Variants in KIRREL3 observed in about 807,000 individuals in gnomAD.
KIRREL3 encodes kin of IRRE-like protein 3.
A neutral mutation model predicts 89.7 loss-of-function variants in KIRREL3; 36 were observed. That is an observed-to-expected ratio of 0.40 (90% confidence interval 0.31 to 0.53). The LOEUF is 0.53. Ranked by LOEUF, KIRREL3 falls within the 20% of genes least tolerant of loss-of-function variation. The pLI is 0.49. For synonymous variants in KIRREL3, 445 were observed against 441.4 expected (o/e 1.01, Z -0.10); for missense variants, 864 against 1,056.6 (o/e 0.82, Z 2.53).
rs1358405055 is a variant in KIRREL3 at position 126,561,692 on chromosome 11, T to G, written c.133+1143A>C. ...CAAATGGGAAGTAGCTTTTTGATGC[T>G]GTTGGCTTCAGGCAGGCAGCAAATG... is the stretch of plus-strand genomic sequence containing the variant. On this transcript the variant is annotated intron_variant, in intron 2 of 16. Transcript: ENST00000525144. The surrounding 1 kb of genome is among the most constrained non-coding windows in gnomAD (Gnocchi z 4.5). 1.3e-5 allele frequency among the ~76,000 whole-genome samples: 2 copies of G among 152,222 alleles called. No homozygotes were observed. Among genetic ancestry groups the G allele is most frequent in the African/African-American group, 2.4e-5 (1 of 41,458 alleles).
chr11:126,610,079 A>G lies in KIRREL3; in HGVS notation c.56-47167T>C, dbSNP rs184747491. Among the ~76,000 whole-genome samples, 2 of 152,260 alleles carry G rather than the reference A, an allele frequency of 1.3e-5. No homozygotes were observed. Among genetic ancestry groups the G allele is most frequent in the East Asian group, 3.9e-4 (2 of 5,188 alleles). On this transcript the variant is annotated intron_variant, in intron 1 of 16. Transcript: ENST00000525144. This position sits in a 1 kb window ranked among gnomAD's most constrained non-coding sequence, Gnocchi z 4.6. The stretch of plus-strand genomic sequence containing the variant: ...ACAAAGTTAGGCCTGACCTGACTCC[A>G]AAATCTGTGCTGTTAACTTTTTTTT...
rs1565423593 is a variant in KIRREL3, at chr11:126,923,215, T to TCTTCTC, written c.55+77239_55+77240insGAGAAG. 4.2e-4 allele frequency among the ~76,000 whole-genome samples: 8 copies of TCTTCTC among 18,954 alleles called. 1 individual carries two copies. Among genetic ancestry groups the TCTTCTC allele is most frequent in the Admixed American group, 9.4e-4 (2 of 2,138 alleles). 12.4% of individuals were successfully genotyped at this position (18,954 alleles called of 152,430 possible). ...TTCTTCTTCTTCTTCTTCTTCTTCT[T>TCTTCTC]CTTCTTCTTCTTCTTCTTCTTCTTC... On this transcript the variant is annotated intron_variant, in intron 1 of 16. Transcript: ENST00000525144.
At position 126,791,541 on chromosome 11, in the gene KIRREL3, G is replaced by A. The variant is rs1448246972; in HGVS notation, c.55+208914C>T. 6.6e-6 allele frequency among the ~76,000 whole-genome samples: 1 copy of A among 152,166 alleles called. No individual in the cohort carries two copies. Among genetic ancestry groups the A allele is most frequent in the Admixed American group, 6.5e-5 (1 of 15,280 alleles). On this transcript the variant is annotated intron_variant, in intron 1 of 16. Coordinates refer to ENST00000525144, the MANE Select transcript of KIRREL3 (RefSeq NM_032531.4). The surrounding 1 kb of genome is among the most constrained non-coding windows in gnomAD (Gnocchi z 4.8). Reference sequence around the variant, plus strand: ...CTTTCCAAAGAAATGAATTCACTGGGCACTTATGAAAATAAATGACTGATG... The same window carrying A: ...CTTTCCAAAGAAATGAATTCACTGGACACTTATGAAAATAAATGACTGATG...
At chr11:126,613,284 G>A (rs891016498) in intron 1 of KIRREL3, among the ~76,000 whole-genome samples, 4 of 148,454 alleles carry the variant, frequency 2.7e-5, no homozygotes, top group East Asian at 1.9e-4. Context: ...AGGCTCGCAC[G>A]CAGCAGTGTT....
At position 126,676,107 on chromosome 11, in the gene KIRREL3, T is replaced by C. The variant is rs1946176240; in HGVS notation, c.56-113195A>G. On this transcript the variant is annotated intron_variant, in intron 1 of 16. Coordinates refer to ENST00000525144, the MANE Select transcript of KIRREL3 (RefSeq NM_032531.4). This position sits in a 1 kb window ranked among gnomAD's most constrained non-coding sequence, Gnocchi z 4.5. ...TTGGGACATACTGAATTTCAGATGG[T>C]TTGGGGACATTCAGGTGTTTCATTG... 6.6e-6 allele frequency among the ~76,000 whole-genome samples: 1 copy of C among 152,094 alleles called. No homozygotes were observed. Among genetic ancestry groups the C allele is most frequent in the African/African-American group, 2.4e-5 (1 of 41,418 alleles).
At chr11:126,804,930 G>C (rs1951158717) in intron 1 of KIRREL3, among the ~76,000 whole-genome samples, 1 of 152,102 alleles carries the variant, frequency 6.6e-6, no homozygotes, top group African/African-American at 2.4e-5. Context: ...TTTTGGCTAG[G>C]GGTTAAGATC....
At chr11:126,536,072 A>G (rs1937841927) in intron 2 of KIRREL3, among the ~76,000 whole-genome samples, 1 of 152,152 alleles carries the variant, frequency 6.6e-6, no homozygotes, top group African/African-American at 2.4e-5. Context: ...AGATCGCACC[A>G]TTGCACTCCA....
At position 126,776,538 on chromosome 11, in the gene KIRREL3, G is replaced by T. The variant is rs745840300; in HGVS notation, c.56-213626C>A. 1.3e-5 allele frequency among the ~76,000 whole-genome samples: 2 copies of T among 152,122 alleles called. No homozygotes were observed. Among genetic ancestry groups the T allele is most frequent in the Admixed American group, 1.3e-4 (2 of 15,266 alleles). On this transcript the variant is annotated intron_variant, in intron 1 of 16. Coordinates refer to ENST00000525144, the MANE Select transcript of KIRREL3 (RefSeq NM_032531.4). The surrounding 1 kb of genome is among the most constrained non-coding windows in gnomAD (Gnocchi z 4.7). The stretch of plus-strand genomic sequence containing the variant: ...GTCTCTACTAGGTGTCAGAGCCGTC[G>T]GTAGGGTTAATGCAGGTCCCTTAAG...
rs774869793 is a variant in KIRREL3 at position 126,805,788 on chromosome 11, T to C, written c.55+194667A>G. The stretch of plus-strand genomic sequence containing the variant: ...AACCAAGGGAGGAGGGAATTCTTGA[T>C]AGTCTCTGTCTTTCACGGTTTTCCT... On this transcript the variant is annotated intron_variant, in intron 1 of 16. Coordinates refer to ENST00000525144, the MANE Select transcript of KIRREL3 (RefSeq NM_032531.4). This position sits in a 1 kb window ranked among gnomAD's most constrained non-coding sequence, Gnocchi z 4.3. Among the ~76,000 whole-genome samples the C allele has an allele frequency of 6.6e-6, 1 of 152,174 alleles. No individual in the cohort carries two copies. The highest frequency in any genetic ancestry group is 1.5e-5 in the Non-Finnish European group (1 of 68,028).
rs145446313 is a variant in KIRREL3, at chr11:126,918,666, C to T, written c.55+81789G>A. 8.7e-4 allele frequency among the ~76,000 whole-genome samples: 132 copies of T among 152,318 alleles called. No individual in the cohort carries two copies. The highest frequency in any genetic ancestry group is 2.9e-3 in the African/African-American group (119 of 41,568). On this transcript the variant is annotated intron_variant, in intron 1 of 16. Transcript: ENST00000525144. The surrounding 1 kb of genome is among the most constrained non-coding windows in gnomAD (Gnocchi z 6.5). The stretch of plus-strand genomic sequence containing the variant: ...AAGGGATTGCAAATACATAGAAAGG[C>T]TATTCCATTCTTCATCTCTGTGACA...
chr11:126,451,174 CAT>C lies in KIRREL3; in HGVS notation c.849-2019_849-2018del, dbSNP rs573994075. The stretch of plus-strand genomic sequence containing the variant: ...AAATGTGGGCACGTGTGAATGTGTA[CAT>C]GTGTGAATGTGGCCGTGTGTGTGCA... On this transcript the variant is annotated intron_variant, in intron 7 of 16. Transcript: ENST00000525144. 1.8e-4 allele frequency among the ~76,000 whole-genome samples: 23 copies of C among 127,200 alleles called. No individual in the cohort carries two copies. The East Asian group carries it at 4.6e-3, about 25-fold the overall frequency. 83.4% of individuals were successfully genotyped at this position (127,200 alleles called of 152,430 possible). A position where few individuals can be genotyped will look rare whatever the true frequency, so the allele number is the denominator to read the frequency against.
In KIRREL3 at chr11:126,429,412, C is replaced by T. The variant is rs1329550718; in HGVS notation, c.1697-124G>A. On this transcript the variant is annotated intron_variant, in intron 14 of 16. Coordinates refer to ENST00000525144, the MANE Select transcript of KIRREL3 (RefSeq NM_032531.4). This position sits in a 1 kb window ranked among gnomAD's most constrained non-coding sequence, Gnocchi z 5.2. Reference sequence around the variant, plus strand: ...GCATTTCCCCTCCAGCCCCTGAACTCAGCAGCTTCACCAGCCCCCCACCAA... The same window carrying T: ...GCATTTCCCCTCCAGCCCCTGAACTTAGCAGCTTCACCAGCCCCCCACCAA... 5.9e-6 allele frequency: 4 copies of T among 680,650 alleles called. No individual in the cohort carries two copies. The highest frequency in any genetic ancestry group is 1.1e-5 in the Non-Finnish European group (4 of 377,508). 42.2% of individuals were successfully genotyped at this position (680,650 alleles called of 1,614,324 possible).
intron 1 of KIRREL3, among the ~76,000 whole-genome samples, chr11:126,806,458 G>T (rs1264840059): frequency 6.6e-6 from 1 of 152,104 alleles, no homozygotes; most frequent in African/African-American, 2.4e-5. Context: ...ATGACAGGGA[G>T]CTCAAAAAGT....
rs117552059 is a variant in KIRREL3, at chr11:126,855,595, G to A, written c.55+144860C>T. The stretch of plus-strand genomic sequence containing the variant: ...ACTCAGAACTGCTTCATGAAAAGTA[G>A]CATTATCATATGTGTGAGACATTAT... On this transcript the variant is annotated intron_variant, in intron 1 of 16. Coordinates refer to ENST00000525144, the MANE Select transcript of KIRREL3 (RefSeq NM_032531.4). Among the ~76,000 whole-genome samples the A allele has an allele frequency of 9.0e-4, 137 of 152,310 alleles. 2 individuals are homozygous for A. In the East Asian group the frequency reaches 0.02, roughly 22 times the overall value.
intron 1 of KIRREL3, among the ~76,000 whole-genome samples, chr11:126,577,592 C>CAAAAA (rs61210940): frequency 5.4e-4 from 63 of 115,942 alleles, no homozygotes; most frequent in African/African-American, 2.1e-3. Context: ...ACTAAAAATA[C>CAAAAA]AAAAAAAAAA....
chr11:126,863,646 TTTGAG>T (rs1405648896), intron 1 of KIRREL3, among the ~76,000 whole-genome samples: 3 of 141,354 alleles, frequency 2.1e-5, no homozygotes, highest in Admixed American at 7.0e-5. Context: ...TGTGTGTGTG[TTTGAG>T]TGCGTGTGTG....
rs1958743307 is a variant in KIRREL3, at chr11:126,526,142, C to G, written c.283+396G>C. The stretch of plus-strand genomic sequence containing the variant: ...TTAATGGGTGAGAAGCCTGGAAGAA[C>G]CAGGTTGTGACTTGTATTTCCTTAA... On this transcript the variant is annotated intron_variant, in intron 3 of 16. Transcript: ENST00000525144. This position sits in a 1 kb window ranked among gnomAD's most constrained non-coding sequence, Gnocchi z 5.7. Among the ~76,000 whole-genome samples, 1 of 152,146 alleles carries G rather than the reference C, an allele frequency of 6.6e-6. No homozygotes were observed. Among genetic ancestry groups the G allele is most frequent in the South Asian group, 2.1e-4 (1 of 4,830 alleles).
chr11:126,972,721 C>T (rs1365131677), intron 1 of KIRREL3, among the ~76,000 whole-genome samples: 1 of 152,154 alleles, frequency 6.6e-6, no homozygotes, highest in African/African-American at 2.4e-5. Flanking sequence ...CTGCCTGACA[C>T]CGTGTCCGTA....
At position 126,696,729 on chromosome 11, in the gene KIRREL3, G is replaced by A. The variant is rs1027118013; in HGVS notation, c.56-133817C>T. 6.6e-6 allele frequency among the ~76,000 whole-genome samples: 1 copy of A among 152,114 alleles called. No individual in the cohort carries two copies. Among genetic ancestry groups the A allele is most frequent in the Non-Finnish European group, 1.5e-5 (1 of 68,026 alleles). ...GCTCCCTCTCTCCCAAAGCCACACC[G>A]TCTTCCTGCAGGCACCGCCAGTGGA... is the stretch of plus-strand genomic sequence containing the variant. On this transcript the variant is annotated intron_variant, in intron 1 of 16. Transcript: ENST00000525144. This position sits in a 1 kb window ranked among gnomAD's most constrained non-coding sequence, Gnocchi z 4.4.
Sources: gnomAD v4.1 joint callset for allele counts (sites outside exome capture counted in the v4.1 genomes callset) on GRCh38, gnomAD v4.1.1 for gene constraint, Gnocchi (gnomAD v3.1) non-coding constraint, MANE v1.5 for transcripts, NCBI Gene and HGNC (gene_info 2026-07-23, HGNC 2026-07-21) for gene names.